EDARADD: variants seen among roughly 807,000 people sequenced by gnomAD.
EDARADD encodes the protein ectodysplasin-A receptor-associated adapter protein.
Under a neutral mutation model 25.6 loss-of-function variants are expected in EDARADD, and 20 were observed. The observed-to-expected ratio is 0.78, with a 90% CI of 0.55 to 1.14. The LOEUF is 1.14. Ranked by LOEUF, EDARADD falls within the 50% of genes most tolerant of loss-of-function variation. The pLI, the probability that EDARADD is intolerant of heterozygous loss-of-function variation, is 0.00. For missense variants in EDARADD, 225 were observed against 270.1 expected, an observed-to-expected ratio of 0.83 and a Z score of 1.17; for synonymous variants, 86 against 94.4, an observed-to-expected ratio of 0.91 and a Z score of 0.52.
intron 3 of EDARADD, among the ~76,000 whole-genome samples, chr1:236,357,818 C>T (rs564047998): frequency 2.0e-5 from 3 of 151,932 alleles, no homozygotes; most frequent in East Asian, 1.9e-4. Context: ...TGAGATGTGG[C>T]GGGGATGTAT....
intron 3 of EDARADD, among the ~76,000 whole-genome samples, chr1:236,356,763 A>C (rs202242775): frequency 0.34 from 51,309 of 151,686 alleles, 8,848 homozygotes; most frequent in African/African-American, 0.41. Context: ...AAACAAAAAA[A>C]AAAACCACAC....
intron 3 of EDARADD, among the ~76,000 whole-genome samples, chr1:236,419,470 T>C (rs530385184): frequency 7.6e-6 from 1 of 131,378 alleles, no homozygotes; most frequent in Admixed American, 7.7e-5. Flanking sequence ...TAAAGAAATC[T>C]GGGTTAATAA....
At chr1:236,449,968 G>C (rs1228169985) in intron 4 of EDARADD, among the ~76,000 whole-genome samples, 3 of 152,148 alleles carry the variant, frequency 2.0e-5, no homozygotes, top group Non-Finnish European at 4.4e-5. Context: ...GGGTGTAGTG[G>C]TGTGCGCCTG....
intron 3 of EDARADD, among the ~76,000 whole-genome samples, chr1:236,384,005 A>T (rs1249148740): frequency 1.3e-5 from 2 of 152,220 alleles, no homozygotes; most frequent in Non-Finnish European, 2.9e-5. Context: ...CTTGTCTCAA[A>T]AAAATAAAAT....
At chr1:236,448,301 C>T (rs901159883) in intron 4 of EDARADD, among the ~76,000 whole-genome samples, 11 of 152,326 alleles carry the variant, frequency 7.2e-5, no homozygotes, top group African/African-American at 2.6e-4. Flanking sequence ...ATCCACAGGG[C>T]AGAGGAATGC....
chr1:236,455,380 G>A (rs1658832561), intron 4 of EDARADD, among the ~76,000 whole-genome samples: 1 of 152,180 alleles, frequency 6.6e-6, no homozygotes, highest in African/African-American at 2.4e-5. Context: ...ATGATATCTG[G>A]TGTCAGCCCG....
chr1:236,478,948 A>G (rs185292162), intron 5 of EDARADD, among the ~76,000 whole-genome samples: 31 of 152,228 alleles, frequency 2.0e-4, no homozygotes, highest in African/African-American at 7.5e-4. Flanking sequence ...GTTCTCACTC[A>G]TAAGTGGGAG....
At chr1:236,397,633 C>T (rs2103001570) in intron 1 of EDARADD, among the ~76,000 whole-genome samples, 1 of 152,182 alleles carries the variant, frequency 6.6e-6, no homozygotes, top group East Asian at 1.9e-4. Context: ...AGAGGTAGAA[C>T]CCAAACCTGT....
At chr1:236,378,210 G>T (rs749636447) in intron 3 of EDARADD, among the ~76,000 whole-genome samples, 162 of 152,258 alleles carry the variant, frequency 1.1e-3, no homozygotes, top group Non-Finnish European at 1.9e-3. Flanking sequence ...CTAAGATCAG[G>T]CCTTGTTAAG....
intron 3 of EDARADD, among the ~76,000 whole-genome samples, chr1:236,361,635 T>TATATATATATATATA (rs1667051035): frequency 1.5e-5 from 2 of 134,166 alleles, no homozygotes; most frequent in African/African-American, 3.1e-5. Context: ...CAGCCAAATT[T>TATATATATATATATA]TATATATATA....
chr1:236,395,003 A>G lies in EDARADD; in HGVS notation c.61+498A>G, dbSNP rs1293641449. On this transcript the variant is annotated intron_variant, in intron 1 of 5. Transcript: ENST00000334232. This position sits in a 1 kb window ranked among gnomAD's most constrained non-coding sequence, Gnocchi z 6.9. ...ACTAATGCCAAAGAAAAATCAAAAT[A>G]GAAAGTACCAGCGTGTGCCATCATG... 3.9e-5 allele frequency among the ~76,000 whole-genome samples: 6 copies of G among 152,230 alleles called. No individual in the cohort carries two copies. Among genetic ancestry groups the G allele is most frequent in the South Asian group, 2.1e-4 (1 of 4,836 alleles).
At chr1:236,362,995 A>G (rs1309759798) in intron 3 of EDARADD, among the ~76,000 whole-genome samples, 6 of 92,370 alleles carry the variant, frequency 6.5e-5, no homozygotes, top group East Asian at 5.5e-4. Context: ...AAGAAAAAAA[A>G]AAAAAAAAAA....
intron 2 of EDARADD, among the ~76,000 whole-genome samples, chr1:236,409,683 T>C (rs1234696712): frequency 6.6e-6 from 1 of 151,848 alleles, no homozygotes; most frequent in Non-Finnish European, 1.5e-5. Flanking sequence ...TGCCTCAGCC[T>C]CCCAAGTAGC....
chr1:236,451,703 G>C (rs6677270), intron 4 of EDARADD, among the ~76,000 whole-genome samples: 1 of 152,082 alleles, frequency 6.6e-6, no homozygotes, highest in South Asian at 2.1e-4. Flanking sequence ...GATTACAGGC[G>C]TGAGCCACCA....
At chr1:236,373,037 T>C (rs982150506) in intron 3 of EDARADD, among the ~76,000 whole-genome samples, 1 of 147,168 alleles carries the variant, frequency 6.8e-6, no homozygotes, top group Non-Finnish European at 1.5e-5. Context: ...TGCCTCAGCC[T>C]CCCGATTAGC....
At chr1:236,364,396 C>G (rs1667087248) in intron 3 of EDARADD, among the ~76,000 whole-genome samples, 1 of 152,096 alleles carries the variant, frequency 6.6e-6, no homozygotes, top group Non-Finnish European at 1.5e-5. Flanking sequence ...TGCATTGCCA[C>G]CCCACTTTTT....
At chr1:236,393,577 A>G (rs1667460991), upstream of EDARADD, among the ~76,000 whole-genome samples, 1 of 151,322 alleles carries the variant, frequency 6.6e-6, no homozygotes, top group South Asian at 2.1e-4. Flanking sequence ...TTGTATTTTT[A>G]GTAGCGGTGG....
At chr1:236,471,561 C>T (rs1474522639) in intron 5 of EDARADD, among the ~76,000 whole-genome samples, 1 of 151,854 alleles carries the variant, frequency 6.6e-6, no homozygotes, top group Non-Finnish European at 1.5e-5. Context: ...TATTTTACAG[C>T]CTCCAAATCT....
chr1:236,402,978 C>T (rs1269190567), intron 1 of EDARADD, among the ~76,000 whole-genome samples: 1 of 151,830 alleles, frequency 6.6e-6, no homozygotes. Context: ...TTTTTTGAGA[C>T]AGAGTCTTGC....
Sources: gnomAD v4.1 joint callset for allele counts (sites outside exome capture counted in the v4.1 genomes callset) on GRCh38, gnomAD v4.1.1 for gene constraint, Gnocchi (gnomAD v3.1) non-coding constraint, MANE v1.5 for transcripts, NCBI Gene and HGNC (gene_info 2026-07-23, HGNC 2026-07-21) for gene names.